SLC5A12: variants seen among roughly 807,000 people sequenced by gnomAD.
SLC5A12 encodes solute carrier family 5 member 12, also known as sodium-coupled monocarboxylate transporter 2.
Under a neutral mutation model 72.7 loss-of-function variants are expected in SLC5A12, and 46 were observed. The observed-to-expected ratio is 0.63, with a 90% CI of 0.50 to 0.81. SLC5A12 has a LOEUF of 0.81. SLC5A12 is among the 30% of genes least tolerant of loss of function. The pLI is 0.00. For synonymous variants in SLC5A12, 275 were observed against 264.4 expected (o/e 1.04, Z -0.39); for missense variants, 683 against 740.7 (o/e 0.92, Z 0.90).
chr11:26,673,261 G>T, intron 14 of SLC5A12, 141 bp downstream of exon 14: 1 of 952,880 alleles, frequency 1.0e-6, no homozygotes, highest in Non-Finnish European at 1.5e-6. Flanking sequence ...AGATAACTCT[G>T]AAGCTGAAAC....
intron 11 of SLC5A12, among the ~76,000 whole-genome samples, chr11:26,681,520 C>T (rs1854411628): frequency 6.6e-6 from 1 of 152,120 alleles, no homozygotes; most frequent in Non-Finnish European, 1.5e-5. Flanking sequence ...ACTTAAAAAG[C>T]TGCTGAAACC....
At chr11:26,697,314 A>C in intron 7 of SLC5A12, 62 bp from the exon 8 acceptor site, 1 of 1,447,994 alleles carries the variant, frequency 6.9e-7, no homozygotes, top group Non-Finnish European at 9.5e-7. Flanking sequence ...AAGAAAAGAG[A>C]AGAGAGAGAA....
intron 2 of SLC5A12, 146 bp from the exon 3 acceptor site, chr11:26,711,504 T>C (rs922498552): frequency 8.6e-6 from 6 of 693,658 alleles, no homozygotes; most frequent in African/African-American, 1.8e-5. Context: ...AATTTTGAAG[T>C]TGCTCACCAC....
chr11:26,686,428 G>C lies in SLC5A12; in HGVS notation c.1221+49C>G, dbSNP rs148212977. ...AAGAAGCAAGACATTAAAAGAGAGT[G>C]GGGGGAAGTTCCAGTGAAACCAAAT... is the stretch of plus-strand genomic sequence containing the variant. On this transcript the variant is annotated intron_variant, in intron 10 of 14. Transcript: ENST00000396005. 15,348 of 1,535,310 alleles carry C rather than the reference G, an allele frequency of 1.0e-2. 110 individuals carry two copies. The highest frequency in any genetic ancestry group is 0.013 in the Non-Finnish European group (14,032 of 1,108,816).
At chr11:26,674,021 A>C (rs1185042684) in intron 13 of SLC5A12, among the ~76,000 whole-genome samples, 1 of 152,126 alleles carries the variant, frequency 6.6e-6, no homozygotes, top group East Asian at 1.9e-4. Flanking sequence ...AGGTACTTTA[A>C]GCATTCCTCA....
intron 6 of SLC5A12, among the ~76,000 whole-genome samples, chr11:26,703,113 T>TA (rs1457903494): frequency 5.3e-5 from 8 of 152,256 alleles, no homozygotes; most frequent in African/African-American, 1.9e-4. Context: ...ATAAACTCTT[T>TA]AAAAATTTAA....
chr11:26,678,664 C>T, intron 13 of SLC5A12, 48 bp downstream of exon 13: 1 of 1,357,768 alleles, frequency 7.4e-7, no homozygotes, highest in South Asian at 1.2e-5. Context: ...CCAATGCATG[C>T]ATGAGCCCAT....
intron 4 of SLC5A12, among the ~76,000 whole-genome samples, chr11:26,708,498 G>A (rs541173851): frequency 6.6e-6 from 1 of 152,094 alleles, no homozygotes; most frequent in South Asian, 2.1e-4. Context: ...CAAAGACTAG[G>A]TGATATGCAC....
intron 9 of SLC5A12, among the ~76,000 whole-genome samples, chr11:26,688,847 C>T (rs1481358393): frequency 1.3e-5 from 2 of 151,976 alleles, no homozygotes; most frequent in Non-Finnish European, 2.9e-5. Context: ...CCATGCCTAG[C>T]TATTTATCAA....
At chr11:26,696,206 A>G (rs890939851) in intron 8 of SLC5A12, among the ~76,000 whole-genome samples, 8 of 152,188 alleles carry the variant, frequency 5.3e-5, no homozygotes, top group East Asian at 3.8e-4. Context: ...CAAACTCTAT[A>G]TAAGTGAGGA....
chr11:26,715,518 A>G (rs1050605672), intron 1 of SLC5A12, among the ~76,000 whole-genome samples: 1 of 152,070 alleles, frequency 6.6e-6, no homozygotes, highest in African/African-American at 2.4e-5. Context: ...TCAAAATTAC[A>G]TTTTTAATTG....
chr11:26,712,630 T>A lies in SLC5A12; in HGVS notation c.405+11A>T, dbSNP rs372107577. On this transcript the variant is annotated intron_variant, in intron 2 of 14. Transcript: ENST00000396005. ...ACAGTTTCCACATCTGCAGCAGCCA[T>A]GACCACTTACCGTCTGTACAATGTA... 1 of 1,522,234 alleles carries A rather than the reference T, an allele frequency of 6.6e-7. No individual in the cohort carries two copies. Among genetic ancestry groups the A allele is most frequent in the Non-Finnish European group, 9.0e-7 (1 of 1,116,222 alleles). The allele number at this position is 1,522,234 out of a possible 1,614,324, so 94.3% of individuals were successfully genotyped here.
Position 26,703,874 on chromosome 11 carries a change from A to T in SLC5A12, c.599T>A (p.Leu200His), listed in dbSNP as rs1428135603. ...VVMIVGFLTV[L>H]IQGSTHAGGF... is the part of the protein sequence containing the mutation. The stretch of plus-strand genomic sequence containing the variant: ...CCCAGCATGAGTTGATCCTTGAATG[A>T]GAACCGTTAAGAAGCCCACAATCAT... Residue 200 changes from leucine to histidine, a missense_variant, in exon 5 of 15, where the codon CTC (leucine) becomes CAC (histidine). Coordinates refer to ENST00000396005, the MANE Select transcript of SLC5A12 (RefSeq NM_178498.4). 4 of 1,613,812 alleles carry T rather than the reference A, an allele frequency of 2.5e-6. No homozygotes were observed. The highest frequency in any genetic ancestry group is 3.4e-6 in the Non-Finnish European group (4 of 1,179,864).
At chr11:26,675,344 T>C (rs770472564) in intron 13 of SLC5A12, among the ~76,000 whole-genome samples, 19 of 152,218 alleles carry the variant, frequency 1.2e-4, no homozygotes, top group Non-Finnish European at 1.8e-4. Flanking sequence ...TATAGGGCTA[T>C]AATTCTCACA....
In SLC5A12 at chr11:26,703,425, TACACACAC is replaced by T. The variant is rs10594778; in HGVS notation, c.821+98_821+105del. On this transcript the variant is annotated intron_variant, in intron 6 of 14. Coordinates refer to ENST00000396005, the MANE Select transcript of SLC5A12 (RefSeq NM_178498.4). ...TGCCTCTCTCTTACACACACATACA[TACACACAC>T]ACACACACACACACCCCCCAAGAGG... 305 of 882,620 alleles carry T rather than the reference TACACACAC, an allele frequency of 3.5e-4. 1 individual carries two copies. The highest frequency in any genetic ancestry group is 5.0e-4 in the Non-Finnish European group (292 of 580,828). The allele number at this position is 882,620 out of a possible 1,614,324, so 54.7% of individuals were successfully genotyped here.
chr11:26,701,968 T>C (rs16916156), intron 6 of SLC5A12, among the ~76,000 whole-genome samples: 5,129 of 152,272 alleles, frequency 0.034, 276 homozygotes, highest in African/African-American at 0.11. Flanking sequence ...GGTATTAACA[T>C]AGAGAAATTA....
intron 1 of SLC5A12, among the ~76,000 whole-genome samples, chr11:26,717,480 T>C (rs1040799306): frequency 1.3e-5 from 2 of 152,076 alleles, no homozygotes; most frequent in African/African-American, 2.4e-5. Context: ...ATAATGAAAA[T>C]ATATGATATT....
chr11:26,703,771 G>T (rs756457650), intron 5 of SLC5A12, 22 bp downstream of exon 5: 3 of 1,613,082 alleles, frequency 1.9e-6, no homozygotes, highest in African/African-American at 1.3e-5. Flanking sequence ...TGTAAAGTAT[G>T]AAAAAGTTGC....
intron 4 of SLC5A12, among the ~76,000 whole-genome samples, chr11:26,705,204 T>C (rs1855055156): frequency 6.6e-6 from 1 of 152,036 alleles, no homozygotes; most frequent in African/African-American, 2.4e-5. Context: ...CAGTTGACTC[T>C]AGTGTAGAAT....
Sources: gnomAD v4.1 joint callset for allele counts (sites outside exome capture counted in the v4.1 genomes callset) on GRCh38, gnomAD v4.1.1 for gene constraint, MANE v1.5 for transcripts, NCBI Gene and HGNC (gene_info 2026-07-23, HGNC 2026-07-21) for gene names.